PHKA2: variants seen among roughly 807,000 people sequenced by gnomAD.
PHKA2 encodes phosphorylase kinase regulatory subunit alpha 2.
PHKA2 carries 31 observed loss-of-function variants against 102.0 expected under a neutral mutation model. The ratio of observed to expected loss-of-function variants is 0.30; its 90% CI spans 0.23 to 0.41. The LOEUF (loss-of-function observed/expected upper bound fraction) is 0.41. PHKA2 is among the 10% of genes least tolerant of loss of function. The pLI is 1.00. For synonymous variants in PHKA2, 455 were observed against 416.2 expected (o/e 1.09, Z -1.13); for missense variants, 858 against 1,023.1 (o/e 0.84, Z 2.20).
At position 18,964,561 on chromosome X, in the gene PHKA2, T is replaced by C. The variant is rs750663251; in HGVS notation, c.79-10149A>G. 2.2e-3 allele frequency among the ~76,000 whole-genome samples: 251 copies of C among 112,421 alleles called. 1 individual carries two copies. The highest frequency in any genetic ancestry group is 9.2e-3 in the Middle Eastern group (2 of 218). On this transcript the variant is annotated intron_variant, in intron 1 of 32. Coordinates refer to ENST00000379942, the MANE Select transcript of PHKA2 (RefSeq NM_000292.3). ...CATTGGTAAAGCAAAAAATAGAAAG[T>C]GAAAAATCCTGTTACAATAACGCCA...
At chrX:18,897,552 GC>G (rs1404508023) in intron 29 of PHKA2, 42 of 426,135 alleles carry the variant, frequency 9.9e-5, no homozygotes, top group Non-Finnish European at 1.5e-4. Context: ...ACTCTGCCCT[GC>G]CCCCCGAGAG....
chrX:18,912,167 T>C (rs1057050074), intron 19 of PHKA2, among the ~76,000 whole-genome samples: 4 of 112,631 alleles, frequency 3.6e-5, no homozygotes, highest in Admixed American at 2.8e-4. Flanking sequence ...GTGAATTGAA[T>C]ACACACTGTA....
Position 18,895,122 on chromosome X carries a change from G to A in PHKA2, c.3336+16C>T, listed in dbSNP as rs369632240. 20 of 1,206,754 alleles carry A rather than the reference G, an allele frequency of 1.7e-5. No homozygotes were observed. The highest frequency in any genetic ancestry group is 8.7e-5 in the Admixed American group (4 of 45,897). On this transcript the variant is annotated intron_variant, in intron 31 of 32. Transcript: ENST00000379942. ...AACCCACAGAGGGGCCCGCCTCTGC[G>A]TTTTTCTCATCGTACCTCTCGGGTC...
rs771657154 is a variant in PHKA2 at position 18,936,111 on chromosome X, T to C, written c.1081A>G (p.Arg361Gly). Reference sequence around the variant, plus strand: ...ACCAGGCGGATCCCATTCTTGCCTCTGATGAGTATTCCCTCCAGGGCCTCT... The same window carrying C: ...ACCAGGCGGATCCCATTCTTGCCTCCGATGAGTATTCCCTCCAGGGCCTCT... ...YREALEGILI[R>G]GKNGIRLVPE... is the part of the protein sequence containing the mutation. The change falls in exon 11 of 33, where the codon AGA becomes GGA. Residue 361 changes from arginine to glycine, a missense_variant. This residue lies in a region of PHKA2 where 671 missense variants were observed against 745.2 expected (regional missense o/e 0.90). Transcript: ENST00000379942. 53 of 1,204,904 alleles carry C rather than the reference T, an allele frequency of 4.4e-5. No individual in the cohort carries two copies. The highest frequency in any genetic ancestry group is 5.9e-5 in the Non-Finnish European group (53 of 891,288).
chrX:18,935,556 A>C (rs1469341420), intron 11 of PHKA2, among the ~76,000 whole-genome samples: 1 of 110,462 alleles, frequency 9.1e-6, no homozygotes, highest in Non-Finnish European at 1.9e-5. Context: ...CGTGTTCCAC[A>C]TATTTTTCCA....
chrX:18,936,226 A>G, intron 10 of PHKA2, 76 bp from the exon 11 acceptor site: 1 of 678,210 alleles, frequency 1.5e-6, no homozygotes. Context: ...CAACATAGAA[A>G]AAAAGCTCTC....
rs1420872743 is a variant in PHKA2, at chrX:18,917,593, C to T, written c.2137+1088G>A. Among the ~76,000 whole-genome samples, 4 of 111,818 alleles carry T rather than the reference C, an allele frequency of 3.6e-5. No homozygotes were observed. In the East Asian group the frequency reaches 1.1e-3, roughly 31 times the overall value. On this transcript the variant is annotated intron_variant, in intron 19 of 32. Transcript: ENST00000379942. ...TATTTTTAATCTAGAATTCTATACCCAGCCAAACTCTCAAATGGGTCTGGA... is the reference window on the plus strand; with the variant it reads ...TATTTTTAATCTAGAATTCTATACCTAGCCAAACTCTCAAATGGGTCTGGA...
At chrX:18,913,755 T>C (rs1365608309) in intron 19 of PHKA2, among the ~76,000 whole-genome samples, 3 of 112,320 alleles carry the variant, frequency 2.7e-5, no homozygotes, top group African/African-American at 9.7e-5. Flanking sequence ...TTTAGTTTTA[T>C]TTATTTTACT....
At chrX:18,898,603 T>C (rs901023558) in intron 29 of PHKA2, among the ~76,000 whole-genome samples, 3 of 112,880 alleles carry the variant, frequency 2.7e-5, no homozygotes, top group Non-Finnish European at 1.9e-5. Context: ...ACAGATCTTA[T>C]TTTGAAAAGG....
In PHKA2 at chrX:18,940,184, T is replaced by A. The variant is rs564258382; in HGVS notation, c.865-136A>T. ...CAAGTGTTCTTTGCTGTCAGTATAG[T>A]TATTAATATATTTAAGTAATAAGCA... On this transcript the variant is annotated intron_variant, in intron 8 of 32. Coordinates refer to ENST00000379942, the MANE Select transcript of PHKA2 (RefSeq NM_000292.3). The A allele has an allele frequency of 2.0e-5, 10 of 504,425 alleles. 1 individual carries two copies. Among genetic ancestry groups the A allele is most frequent in the South Asian group, 8.6e-5 (3 of 34,972 alleles). The allele number at this position is 504,425 out of a possible 1,213,427, so 41.6% of individuals were successfully genotyped here. A position where few individuals can be genotyped will look rare whatever the true frequency, so the allele number is the denominator to read the frequency against.
chrX:18,918,636 A>G (rs2048060525), intron 19 of PHKA2, 45 bp downstream of exon 19: 1 of 1,123,751 alleles, frequency 8.9e-7, no homozygotes, highest in African/African-American at 1.8e-5. Context: ...CATTACTTTG[A>G]TAAAAGAAGG....
chrX:18,914,574 T>C (rs2047987975), intron 19 of PHKA2, among the ~76,000 whole-genome samples: 1 of 111,138 alleles, frequency 9.0e-6, no homozygotes, highest in South Asian at 3.8e-4. Context: ...AGCAGTGAGC[T>C]CCCTGGACAT....
chrX:18,897,506 C>T (rs932449360), intron 29 of PHKA2, 173 bp from the exon 30 acceptor site: 6 of 466,344 alleles, frequency 1.3e-5, no homozygotes, highest in African/African-American at 2.4e-5. Flanking sequence ...TGAGATGACT[C>T]GCATACTTTG....
At chrX:18,983,068 A>C (rs2049199327) in intron 1 of PHKA2, among the ~76,000 whole-genome samples, 1 of 112,216 alleles carries the variant, frequency 8.9e-6, no homozygotes. Context: ...CCCAACTTGC[A>C]GGTCAGGCCT....
In PHKA2 at chrX:18,936,167, T is replaced by G; in HGVS notation, c.1042-17A>C. The G allele has an allele frequency of 9.2e-7, 1 of 1,092,385 alleles. No individual in the cohort carries two copies. Among genetic ancestry groups the G allele is most frequent in the Non-Finnish European group, 1.3e-6 (1 of 789,426 alleles). 90.0% of individuals were successfully genotyped at this position (1,092,385 alleles called of 1,213,427 possible). Reference sequence around the variant, plus strand: ...TTCTTGGACCTGGAAAACAGCCCCATCATCCATGGCAGGAAGGAGGTCTGG... The same window carrying G: ...TTCTTGGACCTGGAAAACAGCCCCAGCATCCATGGCAGGAAGGAGGTCTGG... On this transcript the variant is annotated splice_polypyrimidine_tract_variant and intron_variant, in intron 10 of 32. Coordinates refer to ENST00000379942, the MANE Select transcript of PHKA2 (RefSeq NM_000292.3).
chrX:18,908,236 C>T (rs888598538), intron 21 of PHKA2, among the ~76,000 whole-genome samples, 180 bp from the exon 22 acceptor site: 5 of 112,424 alleles, frequency 4.4e-5, no homozygotes, highest in African/African-American at 9.7e-5. Context: ...AACATCAGGA[C>T]GTGGTGGCCT....
chrX:18,904,108 T>C (rs746985639), intron 26 of PHKA2, among the ~76,000 whole-genome samples: 77 of 110,965 alleles, frequency 6.9e-4, no homozygotes, highest in Non-Finnish European at 1.2e-3. Flanking sequence ...GGAGGAGTAG[T>C]GACAAATAAG....
chrX:18,922,053 C>T (rs748419727), intron 17 of PHKA2, among the ~76,000 whole-genome samples: 36 of 111,825 alleles, frequency 3.2e-4, no homozygotes, highest in African/African-American at 1.1e-3. Flanking sequence ...TTGAGACCAG[C>T]CTGGCCAACA....
intron 15 of PHKA2, among the ~76,000 whole-genome samples, chrX:18,925,191 C>T (rs2048190191): frequency 1.8e-5 from 2 of 112,527 alleles, no homozygotes; most frequent in Admixed American, 9.4e-5. Context: ...GTCTTTCTAG[C>T]TGCCCAAATG....
Sources: allele counts gnomAD v4.1 joint callset (sites outside exome capture counted in the v4.1 genomes callset), GRCh38; gene constraint gnomAD v4.1.1; regional missense constraint gnomAD v4.1.1; transcripts MANE v1.5; gene names NCBI Gene and HGNC (gene_info 2026-07-23, HGNC 2026-07-21).